The following PPP1R21 variants were observed in gnomAD, a reference collection of about 807,000 sequenced individuals.
PPP1R21 encodes protein phosphatase 1 regulatory subunit 21, also known as KLRAQ motif containing 1.
Under a neutral mutation model 112.8 loss-of-function variants are expected in PPP1R21, and 85 were observed. That is an observed-to-expected ratio of 0.75 (90% CI 0.63 to 0.90). The LOEUF (loss-of-function observed/expected upper bound fraction) is 0.90. PPP1R21 is among the 40% of genes least tolerant of loss of function. PPP1R21 has a pLI of 0.00. For synonymous variants in PPP1R21, 381 were observed against 322.3 expected, an observed-to-expected ratio of 1.18 and a Z score of -1.95; for missense variants, 1,199 against 901.5, an observed-to-expected ratio of 1.33 and a Z score of -4.23.
At chr2:48,507,938 G>A (rs1670463431) in intron 19 of PPP1R21, among the ~76,000 whole-genome samples, 1 of 150,692 alleles carries the variant, frequency 6.6e-6, no homozygotes, top group Admixed American at 6.6e-5. Context: ...GCTAATTTTT[G>A]TATTTTTGTA....
chr2:48,471,156 G>C lies in PPP1R21; in HGVS notation c.967G>C (p.Glu323Gln). 6.2e-7 allele frequency: 1 copy of C among 1,613,190 alleles called. No individual in the cohort carries two copies. The highest frequency in any genetic ancestry group is 8.5e-7 in the Non-Finnish European group (1 of 1,179,230). ...TGAGGAAGGAATGCTTCATTTATTT[G>C]AAAGTATCACTGAGGATACTGTGAC... Reference protein sequence around the residue: ...PLEEGMLHLFESITEDTVTVL... With the variant: ...PLEEGMLHLFQSITEDTVTVL... The change falls in exon 10 of 22, where the codon GAA becomes CAA. Residue 323 changes from glutamate to glutamine, a missense_variant. By Grantham distance (29) the Glu-to-Gln change is conservative (BLOSUM62 2). Transcript: ENST00000294952.
At chr2:48,443,671 G>C (rs527381889) in intron 1 of PPP1R21, among the ~76,000 whole-genome samples, 1 of 152,310 alleles carries the variant, frequency 6.6e-6, no homozygotes, top group African/African-American at 2.4e-5. Context: ...GAACACAGGA[G>C]AACAGATCCT....
At chr2:48,489,156 A>G (rs1398868893) in intron 14 of PPP1R21, among the ~76,000 whole-genome samples, 1 of 152,236 alleles carries the variant, frequency 6.6e-6, no homozygotes, top group Non-Finnish European at 1.5e-5. Flanking sequence ...TTTAAAATTT[A>G]TCAAAATACA....
rs1667417172 is a variant in PPP1R21 at position 48,450,279 on chromosome 2, T to G, written c.58-729T>G. On this transcript the variant is annotated intron_variant, in intron 1 of 21. Transcript: ENST00000294952. ...TGAATCTCAGCATTGCTACTTAACTTCTCTGTGCCTCAGTTTCCTCATCTG... is the reference window on the plus strand; with the variant it reads ...TGAATCTCAGCATTGCTACTTAACTGCTCTGTGCCTCAGTTTCCTCATCTG... Among the ~76,000 whole-genome samples the G allele has an allele frequency of 3.3e-5, 5 of 152,304 alleles. No homozygotes were observed. The South Asian group carries it at 1.0e-3, about 32-fold the overall frequency.
intron 18 of PPP1R21, among the ~76,000 whole-genome samples, chr2:48,506,762 G>A (rs1411523394): frequency 2.0e-5 from 3 of 152,174 alleles, no homozygotes; most frequent in East Asian, 3.9e-4. Context: ...TGCCTAACAC[G>A]GTGAAACCCC....
At chr2:48,499,975 T>G (rs1670034765) in intron 17 of PPP1R21, among the ~76,000 whole-genome samples, 1 of 152,166 alleles carries the variant, frequency 6.6e-6, no homozygotes, top group African/African-American at 2.4e-5. Context: ...TTGAGGAGCT[T>G]GAAAGCCATG....
chr2:48,502,190 T>C (rs1220333884), intron 17 of PPP1R21, among the ~76,000 whole-genome samples: 5 of 152,014 alleles, frequency 3.3e-5, no homozygotes, highest in Admixed American at 2.0e-4. Context: ...GGGCCATGAG[T>C]GATAATGACC....
Position 48,471,355 on chromosome 2 carries a change from A to C in PPP1R21, c.1076A>C (p.Tyr359Ser). ...YICFLRKILPYQLKSLEEECE... is the reference protein window; with the variant it reads ...YICFLRKILPSQLKSLEEECE... ...TGTTTTCTTAGGAAGATTCTTCCCT[A>C]TCAGTTAAAAAGGTAGTTACCCCCG... Residue 359 changes from tyrosine to serine, a missense_variant, in exon 11 of 22, where the codon TAT becomes TCT. Tyr to Ser is a moderately radical substitution (Grantham distance 144). Coordinates refer to ENST00000294952, the MANE Select transcript of PPP1R21 (RefSeq NM_001135629.3). 3.1e-6 allele frequency: 5 copies of C among 1,608,474 alleles called. No individual in the cohort carries two copies. Among genetic ancestry groups the C allele is most frequent in the Non-Finnish European group, 4.2e-6 (5 of 1,178,338 alleles).
chr2:48,491,653 A>G (rs765984313), intron 15 of PPP1R21, among the ~76,000 whole-genome samples: 5 of 152,194 alleles, frequency 3.3e-5, no homozygotes, highest in African/African-American at 4.8e-5. Flanking sequence ...TTAGAAAACA[A>G]TATATTTATA....
At chr2:48,503,952 C>CAAAA (rs11389758) in intron 17 of PPP1R21, among the ~76,000 whole-genome samples, 1 of 135,738 alleles carries the variant, frequency 7.4e-6, no homozygotes, top group African/African-American at 2.8e-5. Flanking sequence ...GACTATGTCT[C>CAAAA]AAAAAAAAAA....
intron 14 of PPP1R21, 128 bp downstream of exon 14, chr2:48,486,886 T>A (rs535235104): frequency 2.1e-6 from 2 of 960,258 alleles, no homozygotes; most frequent in South Asian, 1.8e-5. Context: ...TAAAGTTGTC[T>A]CTCTTTCCTC....
intron 13 of PPP1R21, among the ~76,000 whole-genome samples, chr2:48,482,034 A>G (rs990165468): frequency 6.6e-5 from 10 of 152,226 alleles, no homozygotes; most frequent in African/African-American, 2.4e-4. Flanking sequence ...TCTTATGTAT[A>G]TGCGAATATT....
chr2:48,505,555 A>C lies in PPP1R21; in HGVS notation c.1936-9A>C. 1.9e-6 allele frequency: 3 copies of C among 1,546,380 alleles called. No homozygotes were observed. The highest frequency in any genetic ancestry group is 2.6e-6 in the Non-Finnish European group (3 of 1,141,654). On this transcript the variant is annotated splice_polypyrimidine_tract_variant and intron_variant, in intron 17 of 21. Coordinates refer to ENST00000294952, the MANE Select transcript of PPP1R21 (RefSeq NM_001135629.3). ...TCTGTTCTAAAAGATTTTTCCCCTT[A>C]TGTTCTAGATTGGGACTTTAACCAG... is the stretch of plus-strand genomic sequence containing the variant.
At chr2:48,504,510 G>C (rs544495901) in intron 17 of PPP1R21, among the ~76,000 whole-genome samples, 1 of 152,072 alleles carries the variant, frequency 6.6e-6, no homozygotes, top group Non-Finnish European at 1.5e-5. Context: ...GCGTGGTGGC[G>C]TGCACCTGTA....
chr2:48,502,620 A>T (rs1172668187), intron 17 of PPP1R21, among the ~76,000 whole-genome samples: 1 of 149,622 alleles, frequency 6.7e-6, no homozygotes, highest in South Asian at 2.1e-4. Flanking sequence ...CTACAGGGAG[A>T]TTACTTTGGT....
At chr2:48,501,215 C>CTGCCCCCACTCCCTTGCCTT (rs1358336395) in intron 17 of PPP1R21, among the ~76,000 whole-genome samples, 1 of 152,208 alleles carries the variant, frequency 6.6e-6, no homozygotes, top group Middle Eastern at 3.2e-3. Flanking sequence ...CATTTAAGAA[C>CTGCCCCCACTCCCTTGCCTT]TGCCCCCACT....
intron 13 of PPP1R21, among the ~76,000 whole-genome samples, chr2:48,484,911 C>A (rs1248743623): frequency 6.6e-6 from 1 of 152,224 alleles, no homozygotes; most frequent in Non-Finnish European, 1.5e-5. Flanking sequence ...CAATTACCAT[C>A]AACCAAGATT....
In PPP1R21 at chr2:48,514,860, C is replaced by A; in HGVS notation, c.*116C>A. 1.1e-6 allele frequency: 1 copy of A among 950,046 alleles called. No homozygotes were observed. Among genetic ancestry groups the A allele is most frequent in the South Asian group, 1.4e-5 (1 of 69,560 alleles). 58.9% of individuals were successfully genotyped at this position (950,046 alleles called of 1,614,324 possible). On this transcript the variant is annotated 3_prime_UTR_variant, in exon 22 of 22. Coordinates refer to ENST00000294952, the MANE Select transcript of PPP1R21 (RefSeq NM_001135629.3). ...TTCAGGAAGCTAAAGTATTGTTGGA[C>A]CTAGTAAACTAGTCAGTGTTGGAAA... is the stretch of plus-strand genomic sequence containing the variant.
chr2:48,450,977 A>T, intron 1 of PPP1R21, 31 bp from the exon 2 acceptor site: 1 of 1,596,266 alleles, frequency 6.3e-7, no homozygotes, highest in Non-Finnish European at 8.6e-7. Flanking sequence ...GCTTTATATT[A>T]GAAATTGATT....
Sources: gnomAD v4.1 joint callset for allele counts (sites outside exome capture counted in the v4.1 genomes callset) on GRCh38, gnomAD v4.1.1 for gene constraint, MANE v1.5 for transcripts, NCBI Gene and HGNC (gene_info 2026-07-23, HGNC 2026-07-21) for gene names.